The following WT1 variants were observed in gnomAD, a reference collection of about 807,000 sequenced individuals.
WT1 encodes Wilms tumor protein.
A neutral mutation model predicts 60.8 loss-of-function variants in WT1; 8 were observed. The observed-to-expected ratio is 0.13, with a 90% CI of 0.08 to 0.24. WT1 has a LOEUF of 0.24. Among genes scored for constraint, WT1 ranks in the 10% least tolerant of loss-of-function variants. The probability of loss-of-function intolerance (pLI) is 1.00; values close to 1 mark genes in which losing one functional copy is unlikely to be tolerated. For missense variants in WT1, 568 were observed against 711.8 expected, an observed-to-expected ratio of 0.80 and a Z score of 2.30; for synonymous variants, 312 against 297.1, an observed-to-expected ratio of 1.05 and a Z score of -0.52.
Position 32,388,922 on chromosome 11 carries a change from G to C in WT1, c.*136C>G. 6.7e-7 allele frequency: 1 copy of C among 1,499,070 alleles called. No individual in the cohort carries two copies. Among genetic ancestry groups the C allele is most frequent in the South Asian group, 1.2e-5 (1 of 84,458 alleles). 92.9% of individuals were successfully genotyped at this position (1,499,070 alleles called of 1,614,324 possible). On this transcript the variant is annotated 3_prime_UTR_variant, in exon 10 of 10. Coordinates refer to ENST00000452863, the MANE Select transcript of WT1 (RefSeq NM_024426.6). ...CACCTGGTAGTTTCCAGAAGCACCG[G>C]TATCTTGTCTTGGAAGTTGGATGAA...
chr11:32,417,947 G>C (rs961819964), intron 3 of WT1, among the ~76,000 whole-genome samples: 3 of 152,090 alleles, frequency 2.0e-5, no homozygotes, highest in Non-Finnish European at 2.9e-5. Flanking sequence ...AGGGGAAAAG[G>C]CTAAGGGGAG....
chr11:32,402,313 C>T (rs1852182416), intron 5 of WT1, among the ~76,000 whole-genome samples: 1 of 152,238 alleles, frequency 6.6e-6, no homozygotes, highest in Admixed American at 6.5e-5. Context: ...ATATGCCCTT[C>T]TGACCCTTAG....
intron 3 of WT1, among the ~76,000 whole-genome samples, chr11:32,424,066 G>A (rs111530376): frequency 0.046 from 6,978 of 151,314 alleles, 213 homozygotes; most frequent in Non-Finnish European, 0.074. Context: ...GGAGGCTGAG[G>A]CAGGAGAATC....
At chr11:32,417,842 T>C (rs893395831) in intron 3 of WT1, among the ~76,000 whole-genome samples, 188 bp from the exon 4 acceptor site, 2 of 152,206 alleles carry the variant, frequency 1.3e-5, no homozygotes, top group Non-Finnish European at 2.9e-5. Flanking sequence ...ATACACTTCA[T>C]ACACAGCAGA....
At chr11:32,429,297 C>A (rs928463635) in intron 1 of WT1, among the ~76,000 whole-genome samples, 1 of 152,152 alleles carries the variant, frequency 6.6e-6, no homozygotes, top group Non-Finnish European at 1.5e-5. Context: ...ACCCACCTTG[C>A]GCCCAGGGGT....
rs758410591 is a variant in WT1, at chr11:32,416,510, T to C, written c.996A>G (p.Lys332=). The change falls in exon 5 of 10, where the codon AAA becomes AAG. Residue 332 remains lysine, a synonymous_variant. Transcript: ENST00000452863. Reference sequence around the variant, plus strand: ...CTCACTTGCTCTGCCCTTCTGTCCATTTCACTGAGCTGGAGCTCCCAGCAG... The same window carrying C: ...CTCACTTGCTCTGCCCTTCTGTCCACTTCACTGAGCTGGAGCTCCCAGCAG... 4.3e-5 allele frequency: 70 copies of C among 1,614,080 alleles called. No individual in the cohort carries two copies. Among genetic ancestry groups the C allele is most frequent in the Non-Finnish European group, 5.9e-5 (70 of 1,180,008 alleles).
At chr11:32,396,109 A>T in intron 7 of WT1, 148 bp downstream of exon 7, 1 of 1,141,920 alleles carries the variant, frequency 8.8e-7, no homozygotes, top group Non-Finnish European at 1.3e-6. Context: ...AAATGGCCCC[A>T]CAGCCTCTTT....
intron 1 of WT1, chr11:32,430,726 C>T: frequency 1.5e-6 from 2 of 1,364,500 alleles, no homozygotes; most frequent in Non-Finnish European, 1.9e-6. Flanking sequence ...TAGGCCTCCT[C>T]CCAGACCGGA....
At chr11:32,390,380 G>A (rs1851780426) in intron 9 of WT1, among the ~76,000 whole-genome samples, 1 of 152,124 alleles carries the variant, frequency 6.6e-6, no homozygotes, top group Admixed American at 6.5e-5. Context: ...ACTTACTTGG[G>A]GAGTGTGACA....
intron 5 of WT1, among the ~76,000 whole-genome samples, chr11:32,415,982 C>T (rs1320602320): frequency 6.6e-6 from 1 of 152,126 alleles, no homozygotes; most frequent in Non-Finnish European, 1.5e-5. Context: ...TACAGAAATT[C>T]CCCAAGGTGC....
At chr11:32,433,984 G>A (rs1309852028) in intron 1 of WT1, among the ~76,000 whole-genome samples, 1 of 152,230 alleles carries the variant, frequency 6.6e-6, no homozygotes, top group Non-Finnish European at 1.5e-5. Context: ...GCTTGGACTC[G>A]GATAAGTCAA....
chr11:32,428,461 A>G, intron 2 of WT1, 36 bp downstream of exon 2: 2 of 1,613,536 alleles, frequency 1.2e-6, no homozygotes, highest in Non-Finnish European at 1.7e-6. Context: ...GCACGGAAGA[A>G]GGGGAGAAGG....
intron 5 of WT1, among the ~76,000 whole-genome samples, chr11:32,403,304 A>T (rs1471336855): frequency 6.6e-6 from 1 of 151,980 alleles, no homozygotes; most frequent in Non-Finnish European, 1.5e-5. Flanking sequence ...CTGGCATCTG[A>T]TGTGGTAGCA....
intron 5 of WT1, among the ~76,000 whole-genome samples, chr11:32,404,070 G>A (rs1852238315): frequency 1.3e-5 from 2 of 151,612 alleles, no homozygotes; most frequent in Admixed American, 6.6e-5. Flanking sequence ...TTAGGAGATC[G>A]AGACCAGCCT....
At chr11:32,408,372 G>A (rs1041083137) in intron 5 of WT1, among the ~76,000 whole-genome samples, 4 of 151,718 alleles carry the variant, frequency 2.6e-5, no homozygotes, top group South Asian at 2.1e-4. Flanking sequence ...AACATTAGCC[G>A]GGTGTCGTGG....
At chr11:32,431,463 G>A (rs1017696579) in intron 1 of WT1, among the ~76,000 whole-genome samples, 3 of 142,250 alleles carry the variant, frequency 2.1e-5, no homozygotes, top group Admixed American at 1.4e-4. Context: ...CCGAGACGGA[G>A]TTTCGCTCTG....
In WT1 at chr11:32,388,922, G is replaced by A. The variant is rs1851737521; in HGVS notation, c.*136C>T. On this transcript the variant is annotated 3_prime_UTR_variant, in exon 10 of 10. Coordinates refer to ENST00000452863, the MANE Select transcript of WT1 (RefSeq NM_024426.6). ...CACCTGGTAGTTTCCAGAAGCACCG[G>A]TATCTTGTCTTGGAAGTTGGATGAA... The A allele has an allele frequency of 2.7e-6, 4 of 1,498,950 alleles. No homozygotes were observed. The highest frequency in any genetic ancestry group is 1.4e-5 in the African/African-American group (1 of 72,502). The allele number at this position is 1,498,950 out of a possible 1,614,324, so 92.9% of individuals were successfully genotyped here. A position where few individuals can be genotyped will look rare whatever the true frequency, so the allele number is the denominator to read the frequency against.
chr11:32,424,314 C>A (rs537714082), intron 3 of WT1, among the ~76,000 whole-genome samples: 14 of 152,290 alleles, frequency 9.2e-5, no homozygotes, highest in African/African-American at 3.4e-4. Context: ...CTGATTCTCA[C>A]TTGCTGTGTG....
chr11:32,435,009 C>A lies in WT1; in HGVS notation c.352G>T (p.Ala118Ser). The A allele has an allele frequency of 1.3e-6, 2 of 1,487,650 alleles. No homozygotes were observed. Among genetic ancestry groups the A allele is most frequent in the Non-Finnish European group, 8.9e-7 (1 of 1,129,288 alleles). 92.2% of individuals were successfully genotyped at this position (1,487,650 alleles called of 1,614,324 possible). The stretch of plus-strand genomic sequence containing the variant: ...CCGCCCAACGACCCGTAAGCCGAAG[C>A]GCCCGGGGGCGCAAAGTCCAGCACC... Residue 118 changes from alanine to serine, a missense_variant, in exon 1 of 10, where the codon GCT becomes TCT. Transcript: ENST00000452863.
Sources: gnomAD v4.1 joint callset for allele counts (sites outside exome capture counted in the v4.1 genomes callset) on GRCh38, gnomAD v4.1.1 for gene constraint, MANE v1.5 for transcripts, NCBI Gene and HGNC (gene_info 2026-07-23, HGNC 2026-07-21) for gene names.